The following SPATA13 variants were observed in gnomAD, a reference collection of about 807,000 sequenced individuals.
The protein encoded by SPATA13 is spermatogenesis-associated protein 13.
SPATA13 carries 50 observed loss-of-function variants against 104.0 expected under a neutral mutation model. The observed-to-expected ratio is 0.48, with a 90% CI of 0.38 to 0.61. The LOEUF is 0.61. SPATA13 is among the 20% of genes least tolerant of loss of function. The pLI, the probability that SPATA13 is intolerant of heterozygous loss-of-function variation, is 0.00. For missense variants in SPATA13, 1,524 were observed against 1,690.6 expected (o/e 0.90, Z 1.73); for synonymous variants, 606 against 667.5 (o/e 0.91, Z 1.42).
At chr13:24,295,111 C>A (rs930673844) in intron 10 of SPATA13, among the ~76,000 whole-genome samples, 1 of 152,066 alleles carries the variant, frequency 6.6e-6, no homozygotes, top group Non-Finnish European at 1.5e-5. Context: ...ATTGCTGAGC[C>A]TCTCTCTCTC....
chr13:24,293,558 A>G (rs549236914), intron 9 of SPATA13, among the ~76,000 whole-genome samples: 3 of 152,346 alleles, frequency 2.0e-5, no homozygotes, highest in African/African-American at 7.2e-5. Context: ...AAATTAGTTG[A>G]CATGACAGAA....
chr13:24,101,005 G>A (rs1880239702), intron 3 of SPATA13, among the ~76,000 whole-genome samples: 1 of 152,166 alleles, frequency 6.6e-6, no homozygotes, highest in African/African-American at 2.4e-5. Flanking sequence ...CATTATTCCT[G>A]GGAATTATGA....
intron 2 of SPATA13, among the ~76,000 whole-genome samples, chr13:24,008,445 G>A (rs534942059): frequency 1.2e-4 from 18 of 152,282 alleles, no homozygotes; most frequent in African/African-American, 4.1e-4. Flanking sequence ...TAGTGCCTTC[G>A]TCATGGGCCA....
rs1474908183 is a variant in SPATA13, at chr13:24,011,631, A to G, written c.-146-6036A>G. On this transcript the variant is annotated intron_variant, in intron 2 of 14. Coordinates refer to the SPATA13 transcript ENST00000424834. The surrounding 1 kb of genome is among the most constrained non-coding windows in gnomAD (Gnocchi z 4.3). ...GGACCCTCAGATCCACCAACAAGGC[A>G]CTGGCCCTGTCTTGCTTTCTTCTCT... 3.3e-5 allele frequency among the ~76,000 whole-genome samples: 5 copies of G among 152,180 alleles called. No individual in the cohort carries two copies. The highest frequency in any genetic ancestry group is 1.2e-4 in the African/African-American group (5 of 41,436).
chr13:24,084,211 C>T (rs1879645200), intron 3 of SPATA13, among the ~76,000 whole-genome samples: 1 of 152,022 alleles, frequency 6.6e-6, no homozygotes, highest in Non-Finnish European at 1.5e-5. Flanking sequence ...AATTTAAATG[C>T]GTTGGGGAGA....
intron 2 of SPATA13, among the ~76,000 whole-genome samples, chr13:24,015,785 C>G (rs1032894531): frequency 1.0e-5 from 1 of 96,714 alleles, no homozygotes; most frequent in African/African-American, 3.6e-5. Context: ...TCTTTCCAGC[C>G]AAACCATGCC....
intron 3 of SPATA13, among the ~76,000 whole-genome samples, chr13:24,082,442 G>T (rs574365040): frequency 6.6e-6 from 1 of 152,334 alleles, no homozygotes; most frequent in Non-Finnish European, 1.5e-5. Context: ...AGATGATTGA[G>T]TTGCTCTTTG....
Position 24,297,395 on chromosome 13 carries a change from G to T in SPATA13, c.3243G>T (p.Leu1081Phe). The change falls in exon 11 of 13, where the codon TTG becomes TTT. Residue 1081 changes from leucine to phenylalanine, a missense_variant. Around this residue, in one of 2 missense-constraint regions of SPATA13, gnomAD observed 435 missense variants for 554.8 expected, o/e 0.78. Coordinates refer to ENST00000382108, the MANE Select transcript of SPATA13 (RefSeq NM_001166271.3). ...ATATCTTAGACCGAAGCTCAGAATTGATTCATTCTGGGGAGCTGACCAAAA... is the reference window on the plus strand; with the variant it reads ...ATATCTTAGACCGAAGCTCAGAATTTATTCATTCTGGGGAGCTGACCAAAA... ...GLDILDRSSE[L>F]IHSGELTKIT... 1.9e-6 allele frequency: 3 copies of T among 1,613,100 alleles called. No individual in the cohort carries two copies. The highest frequency in any genetic ancestry group is 1.1e-5 in the South Asian group (1 of 91,036).
chr13:24,288,893 A>G (rs781446796), intron 7 of SPATA13, 106 bp from the exon 8 acceptor site: 6 of 990,790 alleles, frequency 6.1e-6, no homozygotes, highest in Non-Finnish European at 8.7e-6. Flanking sequence ...GAGTCTTTTT[A>G]ATTAAAATTC....
chr13:24,284,306 G>A (rs1415866883), intron 5 of SPATA13, 35 bp downstream of exon 5: 24 of 1,588,926 alleles, frequency 1.5e-5, no homozygotes, highest in Non-Finnish European at 1.9e-5. Flanking sequence ...GTGGATACGG[G>A]ATACCTGATT....
intron 3 of SPATA13, among the ~76,000 whole-genome samples, chr13:24,132,576 T>C (rs1355986103): frequency 1.3e-5 from 2 of 152,174 alleles, no homozygotes; most frequent in Non-Finnish European, 2.9e-5. Context: ...TTAAAAGTAT[T>C]TGAAAAGTAT....
chr13:24,265,244 C>A (rs1485993092), intron 4 of SPATA13, among the ~76,000 whole-genome samples: 1 of 152,190 alleles, frequency 6.6e-6, no homozygotes. Flanking sequence ...CTTTGCCCAA[C>A]AGGAGTCGGC....
chr13:24,305,254 G>A lies in SPATA13; in HGVS notation c.*2481G>A, dbSNP rs150500855. The A allele has an allele frequency of 1.7e-3, 255 of 152,200 alleles. No individual in the cohort carries two copies. Among genetic ancestry groups the A allele is most frequent in the African/African-American group, 5.9e-3 (246 of 41,518 alleles). The allele number at this position is 152,200 out of a possible 1,614,324, so 9.4% of individuals were successfully genotyped here. Reference sequence around the variant, plus strand: ...ACTTCCGGCTCCCACCTACCTCCACGGACTTCCTAACAGAGACTTATGAAT... The same window carrying A: ...ACTTCCGGCTCCCACCTACCTCCACAGACTTCCTAACAGAGACTTATGAAT... On this transcript the variant is annotated 3_prime_UTR_variant, in exon 13 of 13. Transcript: ENST00000382108.
At chr13:24,174,634 T>G (rs1237568831) in intron 1 of SPATA13, among the ~76,000 whole-genome samples, 1 of 152,222 alleles carries the variant, frequency 6.6e-6, no homozygotes, top group African/African-American at 2.4e-5. Context: ...TGGAGTATAG[T>G]GGCGCAATCT....
Position 24,139,504 on chromosome 13 carries a change from A to G in SPATA13, c.-111-83315A>G, listed in dbSNP as rs952134649. On this transcript the variant is annotated intron_variant, in intron 3 of 14. Transcript: ENST00000424834. ...GTGACTGGTACAATTGCAGAGGAGA[A>G]TCTTTGTAGGTTTATTACCATCTGT... 3.3e-5 allele frequency among the ~76,000 whole-genome samples: 5 copies of G among 152,218 alleles called. No individual in the cohort carries two copies. The South Asian group carries it at 6.2e-4, about 19-fold the overall frequency.
intron 3 of SPATA13, among the ~76,000 whole-genome samples, chr13:24,058,441 C>T (rs1878649905): frequency 6.6e-6 from 1 of 151,844 alleles, no homozygotes; most frequent in East Asian, 1.9e-4. Context: ...AATGGAAAAG[C>T]TTTAGAGTTT....
At chr13:24,073,770 T>C (rs545306412) in intron 3 of SPATA13, among the ~76,000 whole-genome samples, 1 of 152,242 alleles carries the variant, frequency 6.6e-6, no homozygotes, top group African/African-American at 2.4e-5. Flanking sequence ...TTTCTGTTGC[T>C]TGCAACAAGA....
chr13:23,994,445 G>A (rs1169027817), intron 2 of SPATA13, among the ~76,000 whole-genome samples: 2 of 152,206 alleles, frequency 1.3e-5, no homozygotes, highest in Non-Finnish European at 2.9e-5. Flanking sequence ...TCCTTAACAA[G>A]GGCAGAACTT....
intron 2 of SPATA13, among the ~76,000 whole-genome samples, chr13:24,234,674 T>C (rs1566165272): frequency 6.6e-6 from 1 of 152,202 alleles, no homozygotes; most frequent in African/African-American, 2.4e-5. Context: ...CCACTTGCAG[T>C]GCTCTGGGGC....
Sources: allele counts gnomAD v4.1 joint callset (sites outside exome capture counted in the v4.1 genomes callset), GRCh38; gene constraint gnomAD v4.1.1; regional missense constraint gnomAD v4.1.1; non-coding constraint Gnocchi (gnomAD v3.1); transcripts MANE v1.5; gene names NCBI Gene and HGNC (gene_info 2026-07-23, HGNC 2026-07-21).